The following GPM6B variants were observed in gnomAD, a reference collection of about 807,000 sequenced individuals.
GPM6B encodes neuronal membrane glycoprotein M6-b.
A neutral mutation model predicts 27.2 loss-of-function variants in GPM6B; 4 were observed. The ratio of observed to expected loss-of-function variants is 0.15; its 90% CI spans 0.07 to 0.34. The LOEUF (loss-of-function observed/expected upper bound fraction) is 0.34. Ranked by LOEUF, GPM6B falls within the 10% of genes least tolerant of loss-of-function variation. The pLI is 1.00. For missense variants in GPM6B, 183 were observed against 261.9 expected, an observed-to-expected ratio of 0.70 and a Z score of 2.08; for synonymous variants, 124 against 103.1, an observed-to-expected ratio of 1.20 and a Z score of -1.23.
intron 1 of GPM6B, among the ~76,000 whole-genome samples, chrX:13,885,646 G>A (rs749524925): frequency 3.0e-4 from 33 of 111,391 alleles, no homozygotes; most frequent in Non-Finnish European, 5.3e-4. Context: ...CACCCGCTTC[G>A]GAAGGATGCA....
chrX:13,837,620 G>A (rs1306018909), intron 1 of GPM6B, among the ~76,000 whole-genome samples: 2 of 105,058 alleles, frequency 1.9e-5, no homozygotes, highest in Non-Finnish European at 3.9e-5. Flanking sequence ...GCCAAAAAAA[G>A]AGTCTGATGG....
chrX:13,920,430 C>T (rs912092964), intron 1 of GPM6B, among the ~76,000 whole-genome samples: 4 of 110,620 alleles, frequency 3.6e-5, no homozygotes, highest in Non-Finnish European at 5.7e-5. Context: ...CAGGAAAATG[C>T]TATATTTGTA....
intron 1 of GPM6B, 140 bp from the exon 2 acceptor site, chrX:13,807,909 A>G: frequency 2.1e-6 from 1 of 470,178 alleles, no homozygotes; most frequent in Non-Finnish European, 3.4e-6. Flanking sequence ...CTTCAGTACC[A>G]GCATGATCCA....
At chrX:13,935,334 AC>A (rs1212772670) in intron 1 of GPM6B, among the ~76,000 whole-genome samples, 2 of 80,327 alleles carry the variant, frequency 2.5e-5, no homozygotes, top group Admixed American at 1.3e-4. Flanking sequence ...CCCTATCTCT[AC>A]AAAAAAAAAA....
intron 1 of GPM6B, among the ~76,000 whole-genome samples, chrX:13,810,389 A>G (rs752242493): frequency 8.9e-6 from 1 of 112,053 alleles, no homozygotes; most frequent in East Asian, 2.8e-4. Context: ...TTATCCTTTT[A>G]AAAAATTTGT....
At chrX:13,885,153 A>G (rs964566913) in intron 1 of GPM6B, among the ~76,000 whole-genome samples, 1 of 112,142 alleles carries the variant, frequency 8.9e-6, no homozygotes, top group Non-Finnish European at 1.9e-5. Context: ...CTTTTCTTAC[A>G]AAGTCCTAAA....
At chrX:13,840,999 G>A (rs1210018380) in intron 1 of GPM6B, among the ~76,000 whole-genome samples, 4 of 111,946 alleles carry the variant, frequency 3.6e-5, no homozygotes, top group African/African-American at 1.3e-4. Context: ...ATGCATGCAT[G>A]GGTGTATGTG....
intron 1 of GPM6B, among the ~76,000 whole-genome samples, chrX:13,861,183 A>C (rs2049848333): frequency 9.1e-6 from 1 of 110,094 alleles, no homozygotes; most frequent in Non-Finnish European, 1.9e-5. Context: ...ATATACACAC[A>C]CACCTCATTT....
intron 2 of GPM6B, among the ~76,000 whole-genome samples, chrX:13,797,568 A>G (rs1251159773): frequency 4.5e-5 from 5 of 111,203 alleles, no homozygotes; most frequent in Admixed American, 9.5e-5. Flanking sequence ...TGCCTGGTCC[A>G]TGGAAGATGT....
intron 1 of GPM6B, among the ~76,000 whole-genome samples, chrX:13,854,482 T>C (rs1231107002): frequency 8.9e-6 from 1 of 112,031 alleles, no homozygotes; most frequent in African/African-American, 3.2e-5. Flanking sequence ...GCAAGTTATC[T>C]TCCAGGGATT....
At chrX:13,777,976 CTT>C (rs772502164) in intron 5 of GPM6B, among the ~76,000 whole-genome samples, 17 of 109,142 alleles carry the variant, frequency 1.6e-4, no homozygotes, top group Non-Finnish European at 3.1e-4. Context: ...TGTACTTTGT[CTT>C]TGTTTTTATA....
chrX:13,897,524 TGTACATCCCATGAAACAG>T (rs1424630249), intron 1 of GPM6B, among the ~76,000 whole-genome samples: 2 of 112,123 alleles, frequency 1.8e-5, no homozygotes. Flanking sequence ...TGCTGCCACA[TGTACATCCCATGAAACAG>T]GAATGGTTTG....
At chrX:13,835,227 C>A (rs1003082478) in intron 1 of GPM6B, among the ~76,000 whole-genome samples, 2 of 111,066 alleles carry the variant, frequency 1.8e-5, no homozygotes, top group African/African-American at 6.6e-5. Context: ...AAATGGCCAA[C>A]AAGAGCCATC....
intron 1 of GPM6B, among the ~76,000 whole-genome samples, chrX:13,861,474 T>A (rs1306988878): frequency 8.9e-6 from 1 of 111,842 alleles, no homozygotes; most frequent in Non-Finnish European, 1.9e-5. Flanking sequence ...ACATCTATTA[T>A]TTTTTTATTT....
chrX:13,782,523 T>A (rs2048534240), intron 4 of GPM6B, among the ~76,000 whole-genome samples: 1 of 110,633 alleles, frequency 9.0e-6, no homozygotes, highest in African/African-American at 3.3e-5. Context: ...GAGATGTTTT[T>A]GGTTTTTTTT....
At chrX:13,837,906 C>T (rs1381133222) in intron 1 of GPM6B, among the ~76,000 whole-genome samples, 1 of 110,574 alleles carries the variant, frequency 9.0e-6, no homozygotes, top group Non-Finnish European at 1.9e-5. Flanking sequence ...TCCTCTCTCT[C>T]GTCATTAAAT....
rs754161750 is a variant in GPM6B, at chrX:13,804,003, A to T, written c.181+3647T>A. 6.2e-5 allele frequency among the ~76,000 whole-genome samples: 7 copies of T among 112,011 alleles called. No individual in the cohort carries two copies. In the South Asian group the frequency reaches 2.6e-3, roughly 42 times the overall value. The stretch of plus-strand genomic sequence containing the variant: ...AGATTTCTAGATCTCTTGAGGGTAA[A>T]TTCACATAATCAATTCCTTCCTGTC... On this transcript the variant is annotated intron_variant, in intron 2 of 7. Coordinates refer to ENST00000316715, the MANE Select transcript of GPM6B (RefSeq NM_001001995.3).
chrX:13,916,827 G>A (rs1603136765), intron 1 of GPM6B, among the ~76,000 whole-genome samples: 1 of 110,863 alleles, frequency 9.0e-6, no homozygotes, highest in South Asian at 3.8e-4. Flanking sequence ...CAAGTGAAAA[G>A]CCAGTAGGCA....
In GPM6B at chrX:13,851,636, T is replaced by C. The variant is rs1361379266; in HGVS notation, c.-197-65828A>G. Among the ~76,000 whole-genome samples, 3 of 56,752 alleles carry C rather than the reference T, an allele frequency of 5.3e-5. No individual in the cohort carries two copies. The East Asian group carries it at 1.9e-3, about 36-fold the overall frequency. 49.3% of individuals were successfully genotyped at this position (56,752 alleles called of 115,157 possible). On this transcript the variant is annotated intron_variant, in intron 1 of 6. Coordinates refer to the GPM6B transcript ENST00000398361. ...GGGTAAAGTCACCTCAGGCATGCAATGAAAAAAAAAAAACCAGCTGAAATC... is the reference window on the plus strand; with the variant it reads ...GGGTAAAGTCACCTCAGGCATGCAACGAAAAAAAAAAAACCAGCTGAAATC...
Sources: gnomAD v4.1 joint callset for allele counts (sites outside exome capture counted in the v4.1 genomes callset) on GRCh38, gnomAD v4.1.1 for gene constraint, MANE v1.5 for transcripts, NCBI Gene and HGNC (gene_info 2026-07-23, HGNC 2026-07-21) for gene names.